The following B3GALT1 variants were observed in gnomAD, a reference collection of about 807,000 sequenced individuals.
The protein encoded by B3GALT1 is beta-1,3-galactosyltransferase 1.
In B3GALT1, 10 loss-of-function variants were observed where a neutral mutation model predicts 23.2. The observed-to-expected ratio is 0.43, with a 90% confidence interval of 0.27 to 0.73. B3GALT1 has a LOEUF of 0.73. Ranked by LOEUF, B3GALT1 falls within the 30% of genes least tolerant of loss-of-function variation. The probability of loss-of-function intolerance (pLI) is 0.21; values close to 1 mark genes in which losing one functional copy is unlikely to be tolerated. For synonymous variants in B3GALT1, 156 were observed against 141.5 expected (o/e 1.10, Z -0.73); for missense variants, 299 against 405.4 (o/e 0.74, Z 2.25).
chr2:167,618,895 G>T (rs745755176), intron 2 of B3GALT1, among the ~76,000 whole-genome samples: 1 of 151,580 alleles, frequency 6.6e-6, no homozygotes, highest in Non-Finnish European at 1.5e-5. Flanking sequence ...TGTTAACATT[G>T]ATCATTTGAT....
At chr2:167,529,772 C>T (rs1683290188) in intron 2 of B3GALT1, among the ~76,000 whole-genome samples, 1 of 151,732 alleles carries the variant, frequency 6.6e-6, no homozygotes, top group Admixed American at 6.6e-5. Flanking sequence ...CACTTCTCAC[C>T]CCTCTTTGTT....
intron 1 of B3GALT1, among the ~76,000 whole-genome samples, chr2:167,316,429 C>T (rs1200986165): frequency 6.6e-6 from 1 of 152,050 alleles, no homozygotes; most frequent in Non-Finnish European, 1.5e-5. Flanking sequence ...TTTGCCATCA[C>T]ACCTGCTATC....
At chr2:167,837,094 C>T (rs1355128053) in intron 4 of B3GALT1, among the ~76,000 whole-genome samples, 9 of 152,096 alleles carry the variant, frequency 5.9e-5, no homozygotes, top group Non-Finnish European at 7.4e-5. Flanking sequence ...TAAAGACCAT[C>T]GAGGCTAGGA....
chr2:167,330,249 T>C (rs1696951989), intron 1 of B3GALT1, among the ~76,000 whole-genome samples: 2 of 149,318 alleles, frequency 1.3e-5, no homozygotes. Context: ...TGGGTTATTT[T>C]AACAGACCTC....
At chr2:167,366,703 G>C (rs1032716226) in intron 1 of B3GALT1, among the ~76,000 whole-genome samples, 6 of 152,194 alleles carry the variant, frequency 3.9e-5, no homozygotes, top group Admixed American at 6.5e-5. Flanking sequence ...CTGCTTCGTG[G>C]AGTGTTTCAG....
At chr2:167,644,461 C>A (rs1685708361) in intron 2 of B3GALT1, among the ~76,000 whole-genome samples, 2 of 152,232 alleles carry the variant, frequency 1.3e-5, no homozygotes, top group South Asian at 4.1e-4. Context: ...AAACATTTTT[C>A]AAGCTCACCT....
At chr2:167,543,634 A>G (rs776523982) in intron 2 of B3GALT1, among the ~76,000 whole-genome samples, 20 of 152,246 alleles carry the variant, frequency 1.3e-4, no homozygotes, top group South Asian at 2.1e-4. Context: ...ATAGAATAGT[A>G]TGTAGAATAT....
At chr2:167,691,729 A>T (rs1191694130) in intron 3 of B3GALT1, among the ~76,000 whole-genome samples, 1 of 152,196 alleles carries the variant, frequency 6.6e-6, no homozygotes, top group African/African-American at 2.4e-5. Flanking sequence ...GAAGACTAAA[A>T]AATGAGATGA....
At chr2:167,523,814 T>C (rs1158365442) in intron 2 of B3GALT1, among the ~76,000 whole-genome samples, 1 of 152,148 alleles carries the variant, frequency 6.6e-6, no homozygotes, top group African/African-American at 2.4e-5. Context: ...CTATTTGAAA[T>C]ATAGTGATAT....
intron 2 of B3GALT1, among the ~76,000 whole-genome samples, chr2:167,634,802 A>G (rs1685519120): frequency 6.6e-6 from 1 of 152,140 alleles, no homozygotes; most frequent in Non-Finnish European, 1.5e-5. Context: ...ATTCCTTCTG[A>G]AACTATTCCA....
chr2:167,499,992 C>T (rs569571623), intron 2 of B3GALT1, among the ~76,000 whole-genome samples: 10 of 151,722 alleles, frequency 6.6e-5, no homozygotes, highest in South Asian at 2.1e-4. Flanking sequence ...GTCCTGTGTG[C>T]GTGTGTGTTT....
chr2:167,620,406 G>A (rs1685235476), intron 2 of B3GALT1, among the ~76,000 whole-genome samples: 1 of 152,066 alleles, frequency 6.6e-6, no homozygotes, highest in African/African-American at 2.4e-5. Flanking sequence ...ATCTTTGTAG[G>A]CTGGCTTAAG....
At chr2:167,547,809 A>G (rs1300432900) in intron 2 of B3GALT1, among the ~76,000 whole-genome samples, 1 of 152,154 alleles carries the variant, frequency 6.6e-6, no homozygotes, top group Non-Finnish European at 1.5e-5. Flanking sequence ...GCCAAAAAGA[A>G]TTGGATCCAG....
intron 1 of B3GALT1, among the ~76,000 whole-genome samples, chr2:167,439,826 A>T (rs1172687580): frequency 3.4e-5 from 5 of 146,190 alleles, no homozygotes; most frequent in East Asian, 4.0e-4. Flanking sequence ...ATTTTGTAGT[A>T]TTTTTTTTTT....
At chr2:167,414,807 G>A (rs1698442783) in intron 1 of B3GALT1, among the ~76,000 whole-genome samples, 1 of 152,056 alleles carries the variant, frequency 6.6e-6, no homozygotes. Flanking sequence ...TCTTTTATCA[G>A]TATTTCACAA....
intron 1 of B3GALT1, among the ~76,000 whole-genome samples, chr2:167,439,573 C>T (rs534768216): frequency 6.6e-6 from 1 of 151,642 alleles, no homozygotes; most frequent in African/African-American, 2.4e-5. Flanking sequence ...TATTATTATA[C>T]TTTAAGTTTT....
chr2:167,416,536 G>C (rs1698473767), intron 1 of B3GALT1, among the ~76,000 whole-genome samples: 1 of 152,216 alleles, frequency 6.6e-6, no homozygotes, highest in Non-Finnish European at 1.5e-5. Flanking sequence ...CTAGAGCAAT[G>C]CTGAGTGGAA....
chr2:167,686,587 T>C (rs1464551466), intron 3 of B3GALT1, among the ~76,000 whole-genome samples: 1 of 152,212 alleles, frequency 6.6e-6, no homozygotes, highest in Non-Finnish European at 1.5e-5. Context: ...TTGTTTTCAA[T>C]TGAAAAGAAC....
At chr2:167,386,283 A>G (rs73021724) in intron 1 of B3GALT1, among the ~76,000 whole-genome samples, 4,884 of 152,056 alleles carry the variant, frequency 0.032, 249 homozygotes, top group African/African-American at 0.11. Context: ...CACTCTTTAT[A>G]AAGAACGTTC....
Sources: gnomAD v4.1 joint callset for allele counts (sites outside exome capture counted in the v4.1 genomes callset) on GRCh38, gnomAD v4.1.1 for gene constraint, MANE v1.5 for transcripts, NCBI Gene and HGNC (gene_info 2026-07-23, HGNC 2026-07-21) for gene names.